The following ZNF469 variants were observed in gnomAD, a reference collection of about 807,000 sequenced individuals.
ZNF469 encodes zinc finger protein 469.
In ZNF469, 1 loss-of-function variant was observed where a neutral mutation model predicts 1.0. That is an observed-to-expected ratio of 1.00 (90% CI 0.35 to 4.73). ZNF469 has a LOEUF of 4.73. Ranked by LOEUF, ZNF469 falls within the 30% of genes most tolerant of loss-of-function variation. ZNF469 has a pLI of 0.16. For synonymous variants in ZNF469, 2,703 were observed against 2,363.4 expected (o/e 1.14, Z -4.17); for missense variants, 6,100 against 5,356.3 (o/e 1.14, Z -4.33).
the ZNF469 span, among the ~76,000 whole-genome samples, chr16:88,249,217 G>A: frequency 3.8e-3 from 302 of 79,256 alleles, 1 homozygote; most frequent in African/African-American, 0.014. Context: ...CCCACAGCCA[G>A]CTTCTGTTTA....
chr16:88,432,418 G>C lies in ZNF469; in HGVS notation c.4948G>C (p.Val1650Leu). 1 of 1,550,130 alleles carries C rather than the reference G, an allele frequency of 6.5e-7. No individual in the cohort carries two copies. The highest frequency in any genetic ancestry group is 8.7e-7 in the Non-Finnish European group (1 of 1,146,976). Residue 1650 changes from valine (V) to leucine (L), a missense_variant, in exon 3 of 3, where the codon GTT (valine) becomes CTT (leucine). Coordinates refer to ENST00000565624, the MANE Select transcript of ZNF469 (RefSeq NM_001367624.2). ...ATCGGCTGTGGCCACCGTGGAAGCGGTTCAGGGGAGGCCTGGGGGGACGTG... is the reference window on the plus strand; with the variant it reads ...ATCGGCTGTGGCCACCGTGGAAGCGCTTCAGGGGAGGCCTGGGGGGACGTG... ...AESAVATVEA[V>L]QGRPGGTWPC...
rs1567509163 is a variant in ZNF469 at position 88,428,371 on chromosome 16, C to T, written c.901C>T (p.Pro301Ser). The change falls in exon 3 of 3, where the codon CCA becomes TCA. Residue 301 changes from proline to serine, a missense_variant. Pro to Ser is a moderately conservative substitution (Grantham distance 74). Coordinates refer to ENST00000565624, the MANE Select transcript of ZNF469 (RefSeq NM_001367624.2). Reference sequence around the variant, plus strand: ...GGCTGGGCACGCATTCACCAATGGGCCACTGGTGTTTGCCTTCCATCAGCC... The same window carrying T: ...GGCTGGGCACGCATTCACCAATGGGTCACTGGTGTTTGCCTTCCATCAGCC... ...DVAGHAFTNGPLVFAFHQPQG... is the reference protein window; with the variant it reads ...DVAGHAFTNGSLVFAFHQPQG... 2 of 1,548,800 alleles carry T rather than the reference C, an allele frequency of 1.3e-6. No homozygotes were observed. Among genetic ancestry groups the T allele is most frequent in the Admixed American group, 3.9e-5 (2 of 51,010 alleles).
chr16:88,101,902 G>A, the ZNF469 span, among the ~76,000 whole-genome samples: 2 of 152,168 alleles, frequency 1.3e-5, no homozygotes, highest in African/African-American at 2.4e-5. Context: ...CCGTCACGCT[G>A]GGAGGTCGGC....
the ZNF469 span, among the ~76,000 whole-genome samples, chr16:88,134,814 G>C: frequency 6.6e-6 from 1 of 152,202 alleles, no homozygotes; most frequent in South Asian, 2.1e-4. Context: ...TTGGCTGATT[G>C]CCAGTGTATA....
chr16:88,247,349 T>C, the ZNF469 span, among the ~76,000 whole-genome samples: 15 of 114,404 alleles, frequency 1.3e-4, no homozygotes, highest in East Asian at 5.6e-4. Context: ...AATGAGTGAG[T>C]GAATGAGTGA....
At chr16:88,347,325 A>C in the ZNF469 span, among the ~76,000 whole-genome samples, 1 of 152,152 alleles carries the variant, frequency 6.6e-6, no homozygotes, top group Non-Finnish European at 1.5e-5. Flanking sequence ...GGGGCTTTGC[A>C]GATGCTCAAG....
chr16:88,436,809 C>G lies in ZNF469; in HGVS notation c.9339C>G (p.Ala3113=). Residue 3113 remains alanine, a synonymous_variant, in exon 3 of 3, where the codon GCC becomes GCG. Transcript: ENST00000565624. ...GRGRPAKGRR[A]SYKCKVCFQR... The stretch of plus-strand genomic sequence containing the variant: ...GCCGGCCGGCCAAGGGCAGGCGGGC[C>G]TCCTACAAGTGCAAAGTGTGCTTCC... 1 of 1,540,684 alleles carries G rather than the reference C, an allele frequency of 6.5e-7. No homozygotes were observed. The highest frequency in any genetic ancestry group is 2.4e-5 in the East Asian group (1 of 40,868).
At chr16:88,184,823 G>A in the ZNF469 span, among the ~76,000 whole-genome samples, 1 of 152,208 alleles carries the variant, frequency 6.6e-6, no homozygotes, top group East Asian at 1.9e-4. Flanking sequence ...GTGTGTTCAG[G>A]GGACACTCCC....
chr16:88,140,345 A>G, the ZNF469 span, among the ~76,000 whole-genome samples: 1 of 152,114 alleles, frequency 6.6e-6, no homozygotes, highest in South Asian at 2.1e-4. Flanking sequence ...GCACGGAGGA[A>G]AGGAGGACGG....
At chr16:88,197,535 G>C in the ZNF469 span, among the ~76,000 whole-genome samples, 4 of 152,208 alleles carry the variant, frequency 2.6e-5, no homozygotes, top group Non-Finnish European at 5.9e-5. Flanking sequence ...GTTTGCATTT[G>C]GGAGAAAGCC....
At chr16:88,282,730 C>T in the ZNF469 span, among the ~76,000 whole-genome samples, 8 of 152,306 alleles carry the variant, frequency 5.3e-5, no homozygotes, top group East Asian at 1.9e-4. Context: ...ATTGTCAGCA[C>T]GTCTCACCCG....
chr16:88,164,940 G>A, the ZNF469 span, among the ~76,000 whole-genome samples: 2 of 152,350 alleles, frequency 1.3e-5, no homozygotes, highest in South Asian at 2.1e-4. Flanking sequence ...CAGGCAGTAG[G>A]TGGTGTGCCC....
At chr16:88,240,556 C>T in the ZNF469 span, among the ~76,000 whole-genome samples, 3 of 152,190 alleles carry the variant, frequency 2.0e-5, no homozygotes, top group South Asian at 6.3e-4. Context: ...ACGTGGGGTC[C>T]ACAGAGACGC....
the ZNF469 span, among the ~76,000 whole-genome samples, chr16:88,267,507 A>G: frequency 6.6e-6 from 1 of 152,190 alleles, no homozygotes; most frequent in Non-Finnish European, 1.5e-5. Flanking sequence ...ACGGACACAG[A>G]GCAGCACGTG....
the ZNF469 span, among the ~76,000 whole-genome samples, chr16:88,367,923 G>T: frequency 6.6e-6 from 1 of 152,158 alleles, no homozygotes. Context: ...CAGCATCAGC[G>T]CCAGCTCTAC....
Position 88,434,139 on chromosome 16 carries a change from A to C in ZNF469, c.6669A>C (p.Glu2223Asp). Residue 2223 changes from glutamate (E) to aspartate (D), a missense_variant, in exon 3 of 3, where the codon GAA (glutamate) becomes GAC (aspartate). Transcript: ENST00000565624. ...CLLQGEGSPL[E>D]DPSSWPPGSV... Reference sequence around the variant, plus strand: ...TCCAGGGGGAGGGCAGCCCCCTGGAAGACCCTTCCTCCTGGCCTCCTGGCT... The same window carrying C: ...TCCAGGGGGAGGGCAGCCCCCTGGACGACCCTTCCTCCTGGCCTCCTGGCT... 6.5e-7 allele frequency: 1 copy of C among 1,550,310 alleles called. No individual in the cohort carries two copies. The highest frequency in any genetic ancestry group is 8.7e-7 in the Non-Finnish European group (1 of 1,146,950).
chr16:88,197,744 A>T, the ZNF469 span, among the ~76,000 whole-genome samples: 4 of 152,188 alleles, frequency 2.6e-5, no homozygotes, highest in African/African-American at 9.7e-5. Flanking sequence ...CCAGGGCCGG[A>T]AGGTCCACTT....
Position 88,430,935 on chromosome 16 carries a change from C to G in ZNF469, c.3465C>G (p.Pro1155=). 4 of 1,536,054 alleles carry G rather than the reference C, an allele frequency of 2.6e-6. No homozygotes were observed. Among genetic ancestry groups the G allele is most frequent in the South Asian group, 1.2e-5 (1 of 83,830 alleles). The change falls in exon 3 of 3, where the codon CCC becomes CCG. Residue 1155 remains proline (P), a synonymous_variant. Coordinates refer to ENST00000565624, the MANE Select transcript of ZNF469 (RefSeq NM_001367624.2). The part of the protein sequence containing the change: ...EAGGDGAPAN[P]EEPGGSRPGP... ...GCGGGGACGGAGCCCCCGCGAACCC[C>G]GAGGAGCCGGGCGGGTCTCGCCCGG... is the stretch of plus-strand genomic sequence containing the variant.
the ZNF469 span, among the ~76,000 whole-genome samples, chr16:88,188,002 C>T: frequency 6.6e-6 from 1 of 152,050 alleles, no homozygotes; most frequent in African/African-American, 2.4e-5. Context: ...ACACCAGCCT[C>T]CTGGCTCCCC....
Sources: gnomAD v4.1 joint callset for allele counts (sites outside exome capture counted in the v4.1 genomes callset) on GRCh38, gnomAD v4.1.1 for gene constraint, MANE v1.5 for transcripts, NCBI Gene and HGNC (gene_info 2026-07-23, HGNC 2026-07-21) for gene names.